TGM7: variants seen among roughly 807,000 people sequenced by gnomAD.
The protein encoded by TGM7 is transglutaminase 7.
In TGM7, 74 loss-of-function variants were observed where a neutral mutation model predicts 79.5. That is an observed-to-expected ratio of 0.93 (90% CI 0.77 to 1.13). The LOEUF (loss-of-function observed/expected upper bound fraction) is 1.13. Ranked by LOEUF, TGM7 falls within the 50% of genes most tolerant of loss-of-function variation. The pLI, the probability that TGM7 is intolerant of heterozygous loss-of-function variation, is 0.00. For missense variants in TGM7, 912 were observed against 905.9 expected (o/e 1.01, Z -0.09); for synonymous variants, 354 against 362.5 (o/e 0.98, Z 0.27).
intron 1 of TGM7, among the ~76,000 whole-genome samples, chr15:43,301,300 C>T (rs974283651): frequency 1.3e-5 from 2 of 151,378 alleles, no homozygotes; most frequent in Non-Finnish European, 2.9e-5. Context: ...CAGTGCCTGG[C>T]CATTAGAACA....
chr15:43,292,569 G>C, intron 3 of TGM7, 140 bp downstream of exon 3: 1 of 1,078,840 alleles, frequency 9.3e-7, no homozygotes, highest in Non-Finnish European at 1.3e-6. Context: ...GAAATTCTTT[G>C]TAAAGATGAT....
intron 1 of TGM7, among the ~76,000 whole-genome samples, chr15:43,297,747 G>A (rs770474936): frequency 1.3e-5 from 2 of 152,160 alleles, no homozygotes; most frequent in Non-Finnish European, 2.9e-5. Context: ...CCTCACTCAC[G>A]CCTCCATCTC....
intron 4 of TGM7, among the ~76,000 whole-genome samples, chr15:43,287,981 T>C: frequency 6.6e-6 from 1 of 151,976 alleles, no homozygotes; most frequent in Non-Finnish European, 1.5e-5. Flanking sequence ...TTTGATGGAC[T>C]GGGTGGGCAG....
rs148416604 is a variant in TGM7 at position 43,286,156 on chromosome 15, G to A, written c.865+1124C>T. On this transcript the variant is annotated intron_variant, in intron 6 of 12. Transcript: ENST00000452443. ...CAGTCACCTGTCCACTCACAGCACA[G>A]CTCCTGGGCTTGTCACAGATCCTTA... Among the ~76,000 whole-genome samples, 573 of 152,296 alleles carry A rather than the reference G, an allele frequency of 3.8e-3. 3 individuals carry two copies. The highest frequency in any genetic ancestry group is 0.013 in the African/African-American group (543 of 41,560).
chr15:43,293,878 T>G (rs1596464840), intron 1 of TGM7, among the ~76,000 whole-genome samples: 1 of 14,348 alleles, frequency 7.0e-5, no homozygotes, highest in Non-Finnish European at 1.1e-4. Context: ...GGGTGGGGTG[T>G]GCGGGGGTGG....
rs2042969772 is a variant in TGM7 at position 43,292,746 on chromosome 15, C to T, written c.402G>A (p.Leu134=). The T allele has an allele frequency of 6.2e-7, 1 of 1,614,144 alleles. No individual in the cohort carries two copies. Among genetic ancestry groups the T allele is most frequent in the Non-Finnish European group, 8.5e-7 (1 of 1,180,036 alleles). ...GGTTAAAAAGTAGGATGAAAGTTCC[C>T]AGCGGGTAAGTCACACTGTGACCTT... ...QGQGHSVTYP[L]GTFILLFNPW... is the part of the protein sequence containing the mutation. The change falls in exon 3 of 13, where the codon CTG becomes CTA. Residue 134 remains leucine (L), a synonymous_variant. Transcript: ENST00000452443.
chr15:43,276,474 G>A lies in TGM7; in HGVS notation c.2114C>T (p.Thr705Ile). 1.9e-6 allele frequency: 3 copies of A among 1,613,696 alleles called. No homozygotes were observed. Among genetic ancestry groups the A allele is most frequent in the Non-Finnish European group, 2.5e-6 (3 of 1,179,772 alleles). Residue 705 changes from threonine (T) to isoleucine (I), a missense_variant, in exon 13 of 13, where the codon ACT becomes ATT. Thr to Ile is a moderately conservative substitution (Grantham distance 89). Coordinates refer to ENST00000452443, the MANE Select transcript of TGM7 (RefSeq NM_052955.3). ...EIKGYKDIFV[T>I]VAGAP ...CGGGTCTCAGGGAGCCCCAGCCACA[G>A]TGACGAAGATGTCCTTGTAGCCTTT...
chr15:43,276,763 G>T, intron 12 of TGM7, 99 bp downstream of exon 12: 1 of 1,547,370 alleles, frequency 6.5e-7, no homozygotes, highest in Non-Finnish European at 8.7e-7. Flanking sequence ...AGTGGGGGCA[G>T]AGAGGCACTG....
rs1407677949 is a variant in TGM7, at chr15:43,284,894, G to A, written c.924C>T (p.Asn308=). 8.1e-6 allele frequency: 13 copies of A among 1,614,052 alleles called. No individual in the cohort carries two copies. The highest frequency in any genetic ancestry group is 2.7e-5 in the African/African-American group (2 of 74,920). ...RVVSNFRSAH[N]VDRNLTIDTY... ...TATCGATGGTCAAGTTCCTATCCACGTTGTGCGCGGAACGGAAATTGGAAA... is the reference window on the plus strand; with the variant it reads ...TATCGATGGTCAAGTTCCTATCCACATTGTGCGCGGAACGGAAATTGGAAA... Residue 308 remains asparagine, a synonymous_variant, in exon 7 of 13, where the codon AAC becomes AAT. Transcript: ENST00000452443.
chr15:43,293,059 G>A, intron 2 of TGM7, 105 bp from the exon 3 acceptor site: 1 of 1,486,896 alleles, frequency 6.7e-7, no homozygotes, highest in Non-Finnish European at 9.0e-7. Flanking sequence ...ACCTGCTAAT[G>A]CTTTTGGCTT....
intron 1 of TGM7, among the ~76,000 whole-genome samples, chr15:43,297,604 A>AGAAAGAAAGAAC (rs2043004886): frequency 6.7e-6 from 1 of 149,154 alleles, no homozygotes; most frequent in East Asian, 2.0e-4. Flanking sequence ...AAAGAAAGAA[A>AGAAAGAAAGAAC]GAAAGAAAGA....
At chr15:43,292,654 C>T in intron 3 of TGM7, 55 bp downstream of exon 3, 1 of 1,598,656 alleles carries the variant, frequency 6.3e-7, no homozygotes, top group Non-Finnish European at 8.5e-7. Flanking sequence ...CAAAGAACCT[C>T]ACAGGGCCTT....
intron 7 of TGM7, among the ~76,000 whole-genome samples, chr15:43,283,479 TC>T (rs1339303525): frequency 2.7e-5 from 3 of 111,936 alleles, no homozygotes; most frequent in African/African-American, 1.4e-4. Context: ...TCTCTCTTTT[TC>T]TTTTTTTTTG....
At chr15:43,279,561 C>G in intron 10 of TGM7, 64 bp downstream of exon 10, 1 of 1,509,106 alleles carries the variant, frequency 6.6e-7, no homozygotes. Context: ...GCCCACCCCA[C>G]TGTGTTCATG....
In TGM7 at chr15:43,287,405, T is replaced by A. The variant is rs544843078; in HGVS notation, c.740A>T (p.Tyr247Phe). The A allele has an allele frequency of 1.9e-6, 3 of 1,614,024 alleles. No individual in the cohort carries two copies. The African/African-American group carries it at 4.0e-5, about 22-fold the overall frequency. The change falls in exon 6 of 13, where the codon TAC (tyrosine) becomes TTC (phenylalanine). Residue 247 changes from tyrosine (Y) to phenylalanine (F), a missense_variant. By Grantham distance (22) the Tyr-to-Phe change is conservative. Coordinates refer to ENST00000452443, the MANE Select transcript of TGM7 (RefSeq NM_052955.3). ...GVLQGNWGED[Y>F]SKGVSPLEWK... ...CTCCAGAGGACTGACCCCTTTGGAG[T>A]AGTCCTCGCCCCAGTTCCCCTGCAG... is the stretch of plus-strand genomic sequence containing the variant.
chr15:43,293,852 T>TCGGCAG (rs2042978976), intron 1 of TGM7, among the ~76,000 whole-genome samples: 1 of 8,366 alleles, frequency 1.2e-4, no homozygotes, highest in Non-Finnish European at 2.1e-4. Context: ...TGCGGGGGGG[T>TCGGCAG]GGGGTGTGCT....
At chr15:43,289,075 A>G (rs1328714263) in intron 4 of TGM7, among the ~76,000 whole-genome samples, 3 of 146,968 alleles carry the variant, frequency 2.0e-5, no homozygotes, top group African/African-American at 7.6e-5. Flanking sequence ...TTTTTTTTTT[A>G]TTCTACTTTA....
chr15:43,298,599 A>C (rs2043011667), intron 1 of TGM7, among the ~76,000 whole-genome samples: 1 of 152,062 alleles, frequency 6.6e-6, no homozygotes, highest in Non-Finnish European at 1.5e-5. Context: ...CTAAAAATAC[A>C]AAAATTAGCT....
At chr15:43,295,130 T>C (rs985900455) in intron 1 of TGM7, among the ~76,000 whole-genome samples, 1 of 152,210 alleles carries the variant, frequency 6.6e-6, no homozygotes, top group African/African-American at 2.4e-5. Context: ...TAGATTCTGA[T>C]TTTTTGACCC....
Sources: gnomAD v4.1 joint callset for allele counts (sites outside exome capture counted in the v4.1 genomes callset) on GRCh38, gnomAD v4.1.1 for gene constraint, MANE v1.5 for transcripts, NCBI Gene and HGNC (gene_info 2026-07-23, HGNC 2026-07-21) for gene names.